The following ARID1A variants were observed in gnomAD, a reference collection of about 807,000 sequenced individuals.
ARID1A encodes AT-rich interactive domain-containing protein 1A.
ARID1A carries 20 observed loss-of-function variants against 212.6 expected under a neutral mutation model. The ratio of observed to expected loss-of-function variants is 0.09; its 90% CI spans 0.07 to 0.14. The LOEUF (loss-of-function observed/expected upper bound fraction) is 0.14. Among genes scored for constraint, ARID1A ranks in the 10% least tolerant of loss-of-function variants. The probability of loss-of-function intolerance (pLI) is 1.00; values close to 1 mark genes in which losing one functional copy is unlikely to be tolerated. For missense variants in ARID1A, 2,587 were observed against 3,059.0 expected, an observed-to-expected ratio of 0.85 and a Z score of 3.64; for synonymous variants, 1,376 against 1,222.1, an observed-to-expected ratio of 1.13 and a Z score of -2.63.
chr1:26,713,439 A>G (rs867822977), intron 1 of ARID1A, among the ~76,000 whole-genome samples: 31 of 151,618 alleles, frequency 2.0e-4, no homozygotes, highest in Middle Eastern at 6.8e-3. Context: ...GCTTTCTGCA[A>G]CTTCTACTTC....
Position 26,696,015 on chromosome 1 carries a change from C to T in ARID1A, c.-389C>T, listed in dbSNP as rs947374927. 7.1e-5 allele frequency: 62 copies of T among 870,078 alleles called. No homozygotes were observed. Among genetic ancestry groups the T allele is most frequent in the Non-Finnish European group, 8.5e-5 (61 of 718,324 alleles). The allele number at this position is 870,078 out of a possible 1,614,324, so 53.9% of individuals were successfully genotyped here. A position where few individuals can be genotyped will look rare whatever the true frequency, so the allele number is the denominator to read the frequency against. Reference sequence around the variant, plus strand: ...CCTCGCCTCCCTCCCTCCCTCCCTCCTCCTTTCTCCGGCAGCAGAAAGCGG... The same window carrying T: ...CCTCGCCTCCCTCCCTCCCTCCCTCTTCCTTTCTCCGGCAGCAGAAAGCGG... On this transcript the variant is annotated 5_prime_UTR_variant, in exon 1 of 20. Coordinates refer to ENST00000324856, the MANE Select transcript of ARID1A (RefSeq NM_006015.6).
chr1:26,773,087 C>A, intron 14 of ARID1A, 100 bp downstream of exon 14: 1 of 1,454,252 alleles, frequency 6.9e-7, no homozygotes, highest in Admixed American at 2.2e-5. Context: ...GTGGAGCCAT[C>A]CTCTGAGATA....
intron 1 of ARID1A, chr1:26,729,353 G>A: frequency 2.5e-6 from 1 of 408,022 alleles, no homozygotes. Context: ...CAACTGAAGG[G>A]CCTTTGTTTA....
At chr1:26,775,277 G>A (rs2124124769) in intron 18 of ARID1A, 57 bp downstream of exon 18, 2 of 1,517,882 alleles carry the variant, frequency 1.3e-6, no homozygotes, top group South Asian at 1.3e-5. Context: ...CTTGTCCATT[G>A]TTCCCTCCAC....
At chr1:26,760,667 A>G (rs1557607656) in intron 4 of ARID1A, among the ~76,000 whole-genome samples, 189 bp from the exon 5 acceptor site, 1 of 152,252 alleles carries the variant, frequency 6.6e-6, no homozygotes, top group South Asian at 2.1e-4. Flanking sequence ...CAGCCTGGGC[A>G]ACGAGTGAAA....
intron 4 of ARID1A, 61 bp from the exon 5 acceptor site, chr1:26,760,795 A>G (rs1240772010): frequency 6.6e-6 from 10 of 1,522,188 alleles, no homozygotes; most frequent in Non-Finnish European, 9.0e-6. Flanking sequence ...TAGTAGGATT[A>G]TTGAAAGTAG....
At position 26,754,731 on chromosome 1, in the gene ARID1A, C is replaced by T. The variant is rs1255679926; in HGVS notation, c.1921-6125C>T. On this transcript the variant is annotated intron_variant, in intron 4 of 19. Coordinates refer to ENST00000324856, the MANE Select transcript of ARID1A (RefSeq NM_006015.6). ...GAAAGCCAGCATGGCCTATGGGGTT[C>T]AGCAGTCCCGGGTTTAAAATCTGGC... 2.0e-5 allele frequency among the ~76,000 whole-genome samples: 3 copies of T among 152,178 alleles called. No homozygotes were observed. In the East Asian group the frequency reaches 5.8e-4, roughly 29 times the overall value.
rs2124742047 is a variant in ARID1A at position 26,696,881 on chromosome 1, G to A, written c.478G>A (p.Ala160Thr). 7.4e-7 allele frequency: 1 copy of A among 1,360,176 alleles called. No individual in the cohort carries two copies. Among genetic ancestry groups the A allele is most frequent in the South Asian group, 1.9e-5 (1 of 52,248 alleles). 84.3% of individuals were successfully genotyped at this position (1,360,176 alleles called of 1,614,324 possible). A position where few individuals can be genotyped will look rare whatever the true frequency, so the allele number is the denominator to read the frequency against. ...FGQPYGRSPSAVAAAAAAVFH... is the reference protein window; with the variant it reads ...FGQPYGRSPSTVAAAAAAVFH... ...GCAACCCTACGGCCGGAGCCCGTCT[G>A]CCGTCGCCGCCGCCGCGGCCGCCGT... is the stretch of plus-strand genomic sequence containing the variant. The change falls in exon 1 of 20, where the codon GCC (alanine) becomes ACC (threonine). Residue 160 changes from alanine to threonine, a missense_variant. Physicochemically the swap from Ala to Thr is moderately conservative, Grantham distance 58. Coordinates refer to ENST00000324856, the MANE Select transcript of ARID1A (RefSeq NM_006015.6).
At chr1:26,778,830 C>T (rs2081162048) in intron 19 of ARID1A, 193 bp from the exon 20 acceptor site, 1 of 504,970 alleles carries the variant, frequency 2.0e-6, no homozygotes, top group Non-Finnish European at 3.4e-6. Flanking sequence ...GTAGGTTGGG[C>T]AGAAGAAAGA....
chr1:26,742,389 A>G (rs1271529724), intron 4 of ARID1A, among the ~76,000 whole-genome samples: 1 of 152,124 alleles, frequency 6.6e-6, no homozygotes, highest in East Asian at 1.9e-4. Flanking sequence ...GAGTTTGGTT[A>G]TTTGGTTCCT....
At chr1:26,758,056 T>C (rs905184833) in intron 4 of ARID1A, among the ~76,000 whole-genome samples, 6 of 152,228 alleles carry the variant, frequency 3.9e-5, no homozygotes, top group Admixed American at 6.5e-5. Flanking sequence ...AAAGTTCTTA[T>C]TACCAGAAGC....
chr1:26,771,059 C>G lies in ARID1A; in HGVS notation c.3199-60C>G, dbSNP rs1001147789. ...CCTTACAGCCTGATGGGGCTTGGGGCTTATGGGCAGGAAAACCAGGCGGGA... is the reference window on the plus strand; with the variant it reads ...CCTTACAGCCTGATGGGGCTTGGGGGTTATGGGCAGGAAAACCAGGCGGGA... On this transcript the variant is annotated intron_variant, in intron 11 of 19. Transcript: ENST00000324856. This position sits in a 1 kb window ranked among gnomAD's most constrained non-coding sequence, Gnocchi z 5.4. 1 of 1,497,512 alleles carries G rather than the reference C, an allele frequency of 6.7e-7. No homozygotes were observed. Among genetic ancestry groups the G allele is most frequent in the Non-Finnish European group, 9.3e-7 (1 of 1,075,366 alleles). 92.8% of individuals were successfully genotyped at this position (1,497,512 alleles called of 1,614,324 possible).
intron 4 of ARID1A, among the ~76,000 whole-genome samples, chr1:26,741,432 A>G (rs1467328384): frequency 6.6e-6 from 1 of 152,110 alleles, no homozygotes; most frequent in Non-Finnish European, 1.5e-5. Context: ...GAGAAAAAGG[A>G]GAGTCTGGCT....
chr1:26,772,267 A>C, intron 12 of ARID1A: 1 of 572,370 alleles, frequency 1.7e-6, no homozygotes, highest in Admixed American at 3.1e-5. Context: ...TGGTGATGTC[A>C]TGGCCACATC....
intron 1 of ARID1A, among the ~76,000 whole-genome samples, chr1:26,702,987 T>C (rs962756860): frequency 2.0e-5 from 3 of 152,196 alleles, no homozygotes; most frequent in African/African-American, 7.2e-5. Flanking sequence ...TTTGCATTTC[T>C]GGAATATTAG....
intron 1 of ARID1A, among the ~76,000 whole-genome samples, chr1:26,708,316 G>T (rs2080414928): frequency 1.0e-5 from 1 of 96,598 alleles, no homozygotes; most frequent in Non-Finnish European, 1.9e-5. Flanking sequence ...ACGGAGTCTT[G>T]CACTGTCGCC....
Position 26,714,398 on chromosome 1 carries a change from T to TTTTG in ARID1A, c.1138-15225_1138-15222dup, listed in dbSNP as rs71007887. Among the ~76,000 whole-genome samples the TTTTG allele has an allele frequency of 7.5e-3, 1,140 of 151,862 alleles. 8 individuals are homozygous for TTTTG. The highest frequency in any genetic ancestry group is 0.011 in the African/African-American group (455 of 41,442). ...AGGATTTGGATGCATCTATAATCTT[T>TTTTG]TTTGTTTGTTTGTTTGTTTGTTTGT... On this transcript the variant is annotated intron_variant, in intron 1 of 19. Coordinates refer to ENST00000324856, the MANE Select transcript of ARID1A (RefSeq NM_006015.6).
intron 4 of ARID1A, among the ~76,000 whole-genome samples, chr1:26,751,253 T>TAAAAAAAA (rs558751331): frequency 6.9e-6 from 1 of 145,878 alleles, no homozygotes; most frequent in Non-Finnish European, 1.5e-5. Context: ...AAACTCCGTC[T>TAAAAAAAA]AAAAAAAAAA....
In ARID1A at chr1:26,696,304, G is replaced by A. The variant is rs1375751172; in HGVS notation, c.-100G>A. 5.4e-5 allele frequency: 64 copies of A among 1,184,560 alleles called. No homozygotes were observed. The highest frequency in any genetic ancestry group is 6.2e-5 in the Non-Finnish European group (59 of 955,052). The allele number at this position is 1,184,560 out of a possible 1,614,324, so 73.4% of individuals were successfully genotyped here. On this transcript the variant is annotated 5_prime_UTR_variant, in exon 1 of 20. Transcript: ENST00000324856. ...CCCCGCGAGGCCCGCCCGGGCGGGT[G>A]GGGAGGGCAGCCCGGGGGACTGGGC...
Sources: allele counts gnomAD v4.1 joint callset (sites outside exome capture counted in the v4.1 genomes callset), GRCh38; gene constraint gnomAD v4.1.1; non-coding constraint Gnocchi (gnomAD v3.1); transcripts MANE v1.5; gene names NCBI Gene and HGNC (gene_info 2026-07-23, HGNC 2026-07-21).